UNC13C: variants seen among roughly 807,000 people sequenced by gnomAD.
The protein encoded by UNC13C is unc-13 homolog C.
In UNC13C, 174 loss-of-function variants were observed where a neutral mutation model predicts 245.4. The observed-to-expected ratio is 0.71, with a 90% CI of 0.63 to 0.80. The LOEUF is 0.80. Among genes scored for constraint, UNC13C ranks in the 30% least tolerant of loss-of-function variants. The probability of loss-of-function intolerance (pLI) is 0.00; values close to 1 mark genes in which losing one functional copy is unlikely to be tolerated. For synonymous variants in UNC13C, 992 were observed against 895.1 expected (o/e 1.11, Z -1.93); for missense variants, 2,829 against 2,602.9 (o/e 1.09, Z -1.89).
chr15:54,157,202 T>C (rs1181535952), intron 4 of UNC13C, among the ~76,000 whole-genome samples: 1 of 152,168 alleles, frequency 6.6e-6, no homozygotes, highest in Non-Finnish European at 1.5e-5. Context: ...CATTCCCACA[T>C]TGCTTCTGAG....
chr15:54,062,331 A>G (rs902987271), intron 2 of UNC13C, among the ~76,000 whole-genome samples: 4 of 151,802 alleles, frequency 2.6e-5, no homozygotes, highest in African/African-American at 7.3e-5. Context: ...CTCAAAAAAA[A>G]AAAAAAAAAA....
the UNC13C span, among the ~76,000 whole-genome samples, chr15:53,890,349 G>A: frequency 2.6e-5 from 4 of 152,154 alleles, no homozygotes; most frequent in South Asian, 6.2e-4. Context: ...CACTGTGTTA[G>A]CCAGGATGGT....
intron 1 of UNC13C, among the ~76,000 whole-genome samples, chr15:53,983,064 T>G (rs1274671976): frequency 6.6e-6 from 1 of 152,144 alleles, no homozygotes; most frequent in East Asian, 1.9e-4. Context: ...GGCTTAATTA[T>G]AATCCATGGA....
upstream of UNC13C, chr15:53,974,804 C>T (rs1321894932): frequency 6.6e-6 from 1 of 151,198 alleles, no homozygotes; most frequent in African/African-American, 2.4e-5. Context: ...GCCAGAAATT[C>T]GAGAATAGCT....
intron 11 of UNC13C, among the ~76,000 whole-genome samples, chr15:54,296,712 GA>G (rs1321696960): frequency 3.9e-5 from 6 of 152,142 alleles, no homozygotes; most frequent in African/African-American, 1.4e-4. Flanking sequence ...TACGGCTAAA[GA>G]TACAGCTATG....
intron 30 of UNC13C, among the ~76,000 whole-genome samples, chr15:54,608,259 T>C (rs1356210988): frequency 6.6e-6 from 1 of 152,226 alleles, no homozygotes; most frequent in Non-Finnish European, 1.5e-5. Context: ...GAATTAACAT[T>C]TATAAGCACC....
chr15:54,578,023 T>G (rs1238900019), intron 30 of UNC13C, among the ~76,000 whole-genome samples: 17 of 152,206 alleles, frequency 1.1e-4, no homozygotes, highest in Admixed American at 1.1e-3. Flanking sequence ...ACAGAAATAT[T>G]TCCATTATAG....
At chr15:54,442,743 G>T (rs1485206772) in intron 19 of UNC13C, among the ~76,000 whole-genome samples, 7 of 151,862 alleles carry the variant, frequency 4.6e-5, no homozygotes, top group African/African-American at 7.3e-5. Context: ...TACATATATT[G>T]AGCTATCATG....
At chr15:54,278,929 TATG>T (rs2036905584) in intron 10 of UNC13C, among the ~76,000 whole-genome samples, 1 of 152,220 alleles carries the variant, frequency 6.6e-6, no homozygotes, top group African/African-American at 2.4e-5. Flanking sequence ...AAGCTATGCT[TATG>T]TTTGATCAAA....
the UNC13C span, among the ~76,000 whole-genome samples, chr15:53,967,501 A>G: frequency 6.6e-6 from 1 of 152,110 alleles, no homozygotes; most frequent in African/African-American, 2.4e-5. Context: ...CCTCTCATAC[A>G]AAAGCAGACA....
intron 2 of UNC13C, among the ~76,000 whole-genome samples, chr15:54,074,134 G>A (rs1898471015): frequency 1.1e-4 from 1 of 8,918 alleles, no homozygotes; most frequent in Non-Finnish European, 0.015. Flanking sequence ...ATTGAAAAGA[G>A]AATCTTTCCC....
intron 2 of UNC13C, among the ~76,000 whole-genome samples, chr15:54,039,844 C>A (rs960486712): frequency 6.6e-6 from 1 of 151,260 alleles, no homozygotes; most frequent in Admixed American, 6.6e-5. Flanking sequence ...CCCTTTCCAG[C>A]CCCCCATCCT....
intron 4 of UNC13C, among the ~76,000 whole-genome samples, chr15:54,165,299 T>C (rs1167998203): frequency 6.6e-6 from 1 of 152,240 alleles, no homozygotes; most frequent in African/African-American, 2.4e-5. Context: ...AATAAATCAT[T>C]ACTATATGTA....
At chr15:54,126,404 C>G (rs1057017559) in intron 2 of UNC13C, among the ~76,000 whole-genome samples, 2 of 151,884 alleles carry the variant, frequency 1.3e-5, no homozygotes, top group Non-Finnish European at 2.9e-5. Context: ...GATATAGAGG[C>G]CAATCTACTT....
At chr15:54,588,300 A>G (rs916116070) in intron 30 of UNC13C, among the ~76,000 whole-genome samples, 5 of 152,232 alleles carry the variant, frequency 3.3e-5, no homozygotes, top group African/African-American at 9.6e-5. Flanking sequence ...ATATGGTCAC[A>G]TTATTAATTA....
the UNC13C span, among the ~76,000 whole-genome samples, chr15:53,907,456 T>C: frequency 7.2e-5 from 11 of 152,206 alleles, no homozygotes; most frequent in African/African-American, 2.4e-4. Flanking sequence ...GAATAGATGA[T>C]GTATGATATA....
intron 30 of UNC13C, among the ~76,000 whole-genome samples, chr15:54,571,439 G>A (rs534844661): frequency 5.8e-4 from 88 of 152,300 alleles, no homozygotes; most frequent in South Asian, 4.1e-3. Flanking sequence ...ATCCCATGAC[G>A]TGTGGGAATT....
chr15:54,175,867 A>G (rs918074448), intron 4 of UNC13C, among the ~76,000 whole-genome samples: 1 of 152,190 alleles, frequency 6.6e-6, no homozygotes, highest in African/African-American at 2.4e-5. Flanking sequence ...CAGTGGTTAT[A>G]AAACTGGTTA....
chr15:54,110,137 A>G (rs8035193), intron 2 of UNC13C, among the ~76,000 whole-genome samples: 149,529 of 152,030 alleles, frequency 0.98, 73,592 homozygotes, highest in Middle Eastern at 1. Flanking sequence ...AAAATTAGCC[A>G]GGCCTGGTAG....
Sources: gnomAD v4.1 joint callset for allele counts (sites outside exome capture counted in the v4.1 genomes callset) on GRCh38, gnomAD v4.1.1 for gene constraint, MANE v1.5 for transcripts, NCBI Gene and HGNC (gene_info 2026-07-23, HGNC 2026-07-21) for gene names.